Variants in DNAAF9 observed in about 807,000 individuals in gnomAD.
The protein encoded by DNAAF9 is shulin.
In DNAAF9, 90 loss-of-function variants were observed where a neutral mutation model predicts 167.0. The ratio of observed to expected loss-of-function variants is 0.54; its 90% confidence interval spans 0.45 to 0.64. The LOEUF is 0.64. Ranked by LOEUF, DNAAF9 falls within the 30% of genes least tolerant of loss-of-function variation. DNAAF9 has a pLI of 0.00. For missense variants in DNAAF9, 1,315 were observed against 1,442.2 expected (o/e 0.91, Z 1.43); for synonymous variants, 491 against 508.8 (o/e 0.96, Z 0.47).
chr20:3,335,407 G>T (rs1159678404), intron 10 of DNAAF9, among the ~76,000 whole-genome samples: 1 of 152,060 alleles, frequency 6.6e-6, no homozygotes, highest in Non-Finnish European at 1.5e-5. Context: ...TGAAATATAG[G>T]TGCCACTTCC....
Position 3,341,562 on chromosome 20 carries a change from G to A in DNAAF9, c.846-923C>T, listed in dbSNP as rs187225530. On this transcript the variant is annotated intron_variant, in intron 9 of 36. Transcript: ENST00000252032. ...AATCCACCCAGGTACCCAGCCATCTGAAAGGCCTCCTTGACTTCTGCTTCC... is the reference window on the plus strand; with the variant it reads ...AATCCACCCAGGTACCCAGCCATCTAAAAGGCCTCCTTGACTTCTGCTTCC... Among the ~76,000 whole-genome samples the A allele has an allele frequency of 6.6e-5, 10 of 152,272 alleles. 2 individuals are homozygous for A. Among genetic ancestry groups the A allele is most frequent in the African/African-American group, 2.4e-4 (10 of 41,552 alleles).
At chr20:3,297,257 A>G (rs1270889800) in intron 22 of DNAAF9, among the ~76,000 whole-genome samples, 1 of 152,116 alleles carries the variant, frequency 6.6e-6, no homozygotes, top group Non-Finnish European at 1.5e-5. Context: ...GACAGAAAGG[A>G]GTGGTTCAAG....
intron 24 of DNAAF9, 107 bp from the exon 25 acceptor site, chr20:3,294,363 G>A: frequency 5.9e-6 from 5 of 849,428 alleles, no homozygotes; most frequent in Non-Finnish European, 9.7e-6. Flanking sequence ...AAACCTTGGA[G>A]AGATTCTCTC....
At chr20:3,329,875 G>A (rs2123073784) in intron 12 of DNAAF9, among the ~76,000 whole-genome samples, 1 of 152,312 alleles carries the variant, frequency 6.6e-6, no homozygotes, top group African/African-American at 2.4e-5. Context: ...TGTGAAAGAA[G>A]AGAAGTCAAC....
At chr20:3,343,810 T>C (rs894181579) in intron 8 of DNAAF9, 79 bp from the exon 9 acceptor site, 4 of 1,010,738 alleles carry the variant, frequency 4.0e-6, no homozygotes, top group Non-Finnish European at 6.2e-6. Flanking sequence ...TATGTATGTA[T>C]GTACACACAT....
At chr20:3,295,166 G>A (rs1472356358) in intron 23 of DNAAF9, among the ~76,000 whole-genome samples, 1 of 143,268 alleles carries the variant, frequency 7.0e-6, no homozygotes, top group Admixed American at 7.1e-5. Flanking sequence ...ACCGCACCCA[G>A]CTCCCACTTT....
rs1249566345 is a variant in DNAAF9 at position 3,284,736 on chromosome 20, T to C, written c.2486+2896A>G. On this transcript the variant is annotated intron_variant, in intron 27 of 36. Coordinates refer to ENST00000252032, the MANE Select transcript of DNAAF9 (RefSeq NM_001009984.3). ...CACAAGTTTTTACATTAATTTCAAA[T>C]TTTGTTTTTAATGCAGATAATTTTA... Among the ~76,000 whole-genome samples the C allele has an allele frequency of 4.3e-4, 66 of 152,332 alleles. 1 individual carries two copies. The highest frequency in any genetic ancestry group is 3.4e-3 in the Middle Eastern group (1 of 294).
intron 1 of DNAAF9, among the ~76,000 whole-genome samples, chr20:3,387,631 T>C (rs2083763166): frequency 6.6e-6 from 1 of 151,930 alleles, no homozygotes; most frequent in African/African-American, 2.4e-5. Flanking sequence ...AATAAAAAAA[T>C]ATATAAACTG....
At chr20:3,310,912 T>C (rs529904180) in intron 20 of DNAAF9, among the ~76,000 whole-genome samples, 2 of 152,288 alleles carry the variant, frequency 1.3e-5, no homozygotes, top group African/African-American at 4.8e-5. Flanking sequence ...TTGGCCAGAA[T>C]ATGGAAAAAC....
At chr20:3,253,886 C>T (rs2068234161) in intron 35 of DNAAF9, 67 bp from the exon 36 acceptor site, 1 of 909,420 alleles carries the variant, frequency 1.1e-6, no homozygotes, top group Admixed American at 1.8e-5. Context: ...CTCATTAAAA[C>T]AAACAAGTCT....
At chr20:3,319,082 CAAAAAAAAAAA>C (rs71195834) in intron 16 of DNAAF9, among the ~76,000 whole-genome samples, 1 of 71,136 alleles carries the variant, frequency 1.4e-5, no homozygotes, top group African/African-American at 6.2e-5. Context: ...GACTCTGTCT[CAAAAAAAAAAA>C]AAAAAAAAAA....
At chr20:3,314,578 C>A (rs2069470801) in intron 20 of DNAAF9, among the ~76,000 whole-genome samples, 1 of 152,160 alleles carries the variant, frequency 6.6e-6, no homozygotes, top group Non-Finnish European at 1.5e-5. Context: ...AGATAAGAGC[C>A]TAGCCTGGCT....
chr20:3,319,338 C>T (rs1456194981), intron 16 of DNAAF9, among the ~76,000 whole-genome samples: 3 of 148,696 alleles, frequency 2.0e-5, no homozygotes, highest in Admixed American at 1.3e-4. Flanking sequence ...AAAGCTGAGG[C>T]TTCAGTAGCC....
At chr20:3,392,328 G>A (rs189297273) in intron 1 of DNAAF9, among the ~76,000 whole-genome samples, 7 of 152,248 alleles carry the variant, frequency 4.6e-5, no homozygotes, top group East Asian at 1.9e-4. Flanking sequence ...TGCAGCTTAC[G>A]TCAAAGATGC....
rs1287752437 is a variant in DNAAF9, at chr20:3,348,589, A to G, written c.725T>C (p.Phe242Ser). Reference protein sequence around the residue: ...LVAFEHQWTSFFANFDTEIPF... With the variant: ...LVAFEHQWTSSFANFDTEIPF... Reference sequence around the variant, plus strand: ...AATTTCTGTGTCAAAATTAGCGAAGAAGCTAGTCCACTGATGTTCAAAAGC... The same window carrying G: ...AATTTCTGTGTCAAAATTAGCGAAGGAGCTAGTCCACTGATGTTCAAAAGC... Residue 242 changes from phenylalanine (F) to serine (S), a missense_variant, in exon 8 of 37, where the codon TTC becomes TCC. Phe to Ser is a radical substitution (Grantham distance 155). Coordinates refer to ENST00000252032, the MANE Select transcript of DNAAF9 (RefSeq NM_001009984.3). The G allele has an allele frequency of 6.2e-7, 1 of 1,605,116 alleles. No individual in the cohort carries two copies. Among genetic ancestry groups the G allele is most frequent in the Non-Finnish European group, 8.5e-7 (1 of 1,174,922 alleles).
intron 33 of DNAAF9, 27 bp from the exon 34 acceptor site, chr20:3,256,238 T>C (rs1295778351): frequency 2.0e-6 from 3 of 1,514,582 alleles, no homozygotes; most frequent in Admixed American, 3.3e-5. Flanking sequence ...CATTAGTCCC[T>C]GAGAGCCTGC....
At chr20:3,310,262 A>AGAAAGAAAGAGAAAGAAAG (rs1169398471) in intron 20 of DNAAF9, among the ~76,000 whole-genome samples, 4 of 150,278 alleles carry the variant, frequency 2.7e-5, no homozygotes, top group African/African-American at 9.8e-5. Flanking sequence ...AGAGAGAGAG[A>AGAAAGAAAGAGAAAGAAAG]GAAAGAAAGA....
At chr20:3,287,529 T>G in intron 27 of DNAAF9, 103 bp downstream of exon 27, 2 of 1,081,686 alleles carry the variant, frequency 1.8e-6, no homozygotes, top group Non-Finnish European at 2.8e-6. Context: ...TGCTCATGCA[T>G]GTAGAGTCTG....
chr20:3,297,543 G>C (rs1387181921), intron 22 of DNAAF9, among the ~76,000 whole-genome samples: 1 of 152,156 alleles, frequency 6.6e-6, no homozygotes, highest in African/African-American at 2.4e-5. Flanking sequence ...CATCAGTTTG[G>C]CTTTGGCTAT....
Sources: gnomAD v4.1 joint callset for allele counts (sites outside exome capture counted in the v4.1 genomes callset) on GRCh38, gnomAD v4.1.1 for gene constraint, MANE v1.5 for transcripts, NCBI Gene and HGNC (gene_info 2026-07-23, HGNC 2026-07-21) for gene names.